XNDC1N: variants seen among roughly 807,000 people sequenced by gnomAD.
XNDC1N encodes the protein XRCC1 N-terminal domain containing 1, N-terminal like.
chr11:71,881,957 G>T, the XNDC1N span, among the ~76,000 whole-genome samples: 1 of 152,032 alleles, frequency 6.6e-6, no homozygotes, highest in East Asian at 1.9e-4. Context: ...TTCTGACTGA[G>T]ATTTTCCCAA....
the XNDC1N span, chr11:71,928,131 G>A: frequency 3.2e-6 from 1 of 313,726 alleles, no homozygotes; most frequent in Non-Finnish European, 6.0e-6. Flanking sequence ...CGCAGGATGT[G>A]GGTTAGAAAA....
chr11:71,923,730 T>C, the XNDC1N span, among the ~76,000 whole-genome samples: 1 of 152,124 alleles, frequency 6.6e-6, no homozygotes. Flanking sequence ...TAATTTTTTG[T>C]ATTTTAAGTA....
chr11:71,921,350 C>T, the XNDC1N span, among the ~76,000 whole-genome samples: 1 of 152,130 alleles, frequency 6.6e-6, no homozygotes, highest in African/African-American at 2.4e-5. Flanking sequence ...CACCATGTTT[C>T]CCAGGCTGGT....
chr11:71,874,148 C>T, the XNDC1N span, among the ~76,000 whole-genome samples: 4 of 152,150 alleles, frequency 2.6e-5, no homozygotes, highest in Admixed American at 2.0e-4. Context: ...AACTCCATCT[C>T]CACAAAAAAG....
the XNDC1N span, among the ~76,000 whole-genome samples, chr11:71,907,327 G>A: frequency 2.0e-5 from 3 of 151,430 alleles, no homozygotes; most frequent in Non-Finnish European, 2.9e-5. Context: ...TGGATATTAC[G>A]AGCCCCATCG....
At chr11:71,911,883 A>G in the XNDC1N span, among the ~76,000 whole-genome samples, 6 of 152,296 alleles carry the variant, frequency 3.9e-5, no homozygotes, top group African/African-American at 1.2e-4. Flanking sequence ...TCTGGGCATC[A>G]GTGCTCCCTC....
At chr11:71,889,216 T>C in the XNDC1N span, among the ~76,000 whole-genome samples, 1 of 152,186 alleles carries the variant, frequency 6.6e-6, no homozygotes, top group Non-Finnish European at 1.5e-5. Flanking sequence ...TGGAGCGTGA[T>C]AGAAAGAAAA....
chr11:71,928,305 G>A, the XNDC1N span: 2 of 606,012 alleles, frequency 3.3e-6, no homozygotes, highest in South Asian at 3.9e-5. Context: ...TTTCCTTGAT[G>A]GCCACCCTCC....
the XNDC1N span, among the ~76,000 whole-genome samples, chr11:71,869,102 G>T: frequency 3.6e-3 from 547 of 151,924 alleles, 1 homozygote; most frequent in Non-Finnish European, 6.4e-3. Context: ...TGCACAATGC[G>T]CAGGTTTGTT....
At chr11:71,898,572 A>C in the XNDC1N span, among the ~76,000 whole-genome samples, 1 of 152,218 alleles carries the variant, frequency 6.6e-6, no homozygotes, top group Non-Finnish European at 1.5e-5. Flanking sequence ...ACGCCACTGC[A>C]CTCCAGCCGG....
At chr11:71,917,001 A>ATAT in the XNDC1N span, 633 of 176,092 alleles carry the variant, frequency 3.6e-3, 6 homozygotes, top group African/African-American at 0.014. Context: ...CCACAAAAAC[A>ATAT]TATTATTGTT....
the XNDC1N span, chr11:71,928,024 C>G: frequency 6.0e-6 from 1 of 165,844 alleles, no homozygotes; most frequent in South Asian, 1.3e-4. Context: ...TGCAAGGTAT[C>G]GAGTTCACCG....
the XNDC1N span, among the ~76,000 whole-genome samples, chr11:71,924,092 TA>T: frequency 1.3e-5 from 2 of 152,220 alleles, no homozygotes; most frequent in Non-Finnish European, 1.5e-5. Flanking sequence ...ATAGTAAGGA[TA>T]GGCAACAAAT....
At chr11:71,886,011 G>A in the XNDC1N span, among the ~76,000 whole-genome samples, 82 of 151,906 alleles carry the variant, frequency 5.4e-4, no homozygotes, top group Middle Eastern at 3.4e-3. Flanking sequence ...TATTAATTGC[G>A]GTAAGTCGCA....
the XNDC1N span, among the ~76,000 whole-genome samples, chr11:71,890,784 TATC>T: frequency 3.9e-5 from 6 of 152,044 alleles, no homozygotes; most frequent in African/African-American, 1.4e-4. Context: ...TCATATTTGA[TATC>T]ATCCTCTTCC....
the XNDC1N span, among the ~76,000 whole-genome samples, chr11:71,895,817 A>T: frequency 3.9e-5 from 6 of 152,246 alleles, no homozygotes; most frequent in Non-Finnish European, 8.8e-5. Context: ...GTTTCAATGA[A>T]GAAACTGTGG....
the XNDC1N span, among the ~76,000 whole-genome samples, chr11:71,896,247 C>T: frequency 3.1e-3 from 476 of 152,216 alleles, 5 homozygotes; most frequent in African/African-American, 0.01. Flanking sequence ...CCTGTGTACA[C>T]CAACCTGGGC....
the XNDC1N span, among the ~76,000 whole-genome samples, chr11:71,868,724 T>C: frequency 6.6e-6 from 1 of 152,298 alleles, no homozygotes; most frequent in Admixed American, 6.5e-5. Context: ...TTTTCTTTCA[T>C]GTCGACCTTG....
chr11:71,924,068 C>G, the XNDC1N span, among the ~76,000 whole-genome samples: 1 of 152,186 alleles, frequency 6.6e-6, no homozygotes, highest in African/African-American at 2.4e-5. Flanking sequence ...CTTTATATCA[C>G]TAGAGCCTAG....
Sources: allele counts gnomAD v4.1 joint callset (sites outside exome capture counted in the v4.1 genomes callset), GRCh38; gene constraint gnomAD v4.1.1; transcripts MANE v1.5; gene names NCBI Gene and HGNC (gene_info 2026-07-23, HGNC 2026-07-21).